CTDSPL2: variants seen among roughly 807,000 people sequenced by gnomAD.
CTDSPL2 encodes the protein CTD small phosphatase-like protein 2.
In CTDSPL2, 5 loss-of-function variants were observed where a neutral mutation model predicts 60.0. The ratio of observed to expected loss-of-function variants is 0.08; its 90% confidence interval spans 0.04 to 0.18. CTDSPL2 has a LOEUF of 0.18. Among genes scored for constraint, CTDSPL2 ranks in the 10% least tolerant of loss-of-function variants. The probability of loss-of-function intolerance (pLI) is 1.00; values close to 1 mark genes in which losing one functional copy is unlikely to be tolerated. For synonymous variants in CTDSPL2, 186 were observed against 189.3 expected, an observed-to-expected ratio of 0.98 and a Z score of 0.14; for missense variants, 370 against 548.8, an observed-to-expected ratio of 0.67 and a Z score of 3.26.
chr15:44,519,132 T>G, intron 10 of CTDSPL2, 37 bp from the exon 11 acceptor site: 1 of 970,672 alleles, frequency 1.0e-6, no homozygotes, highest in South Asian at 2.7e-5. Context: ...TTTTAGAAAG[T>G]TTTTTTTTTT....
rs112097326 is a variant in CTDSPL2, at chr15:44,459,479, G to A, written c.186+279G>A. Among the ~76,000 whole-genome samples the A allele has an allele frequency of 4.5e-3, 685 of 152,240 alleles. 1 individual carries two copies. Among genetic ancestry groups the A allele is most frequent in the Non-Finnish European group, 7.0e-3 (477 of 68,024 alleles). On this transcript the variant is annotated intron_variant, in intron 2 of 12. Coordinates refer to ENST00000260327, the MANE Select transcript of CTDSPL2 (RefSeq NM_016396.3). ...GGGGGCGGAGCCTGTAGTGAGCCGA[G>A]ATCGCACCACTGCACTCCAACCTGG...
chr15:44,487,178 G>T (rs146915907), intron 4 of CTDSPL2, among the ~76,000 whole-genome samples: 1 of 152,190 alleles, frequency 6.6e-6, no homozygotes, highest in Non-Finnish European at 1.5e-5. Context: ...TGGGAGCTGG[G>T]TGTGGTGGCT....
intron 2 of CTDSPL2, among the ~76,000 whole-genome samples, chr15:44,481,824 C>T (rs1243630422): frequency 1.3e-5 from 2 of 152,180 alleles, no homozygotes; most frequent in East Asian, 1.9e-4. Flanking sequence ...CCGCCTGCCT[C>T]GGCCTCCCAA....
chr15:44,517,198 A>G (rs1305974320), intron 10 of CTDSPL2: 1 of 150,708 alleles, frequency 6.6e-6, no homozygotes, highest in African/African-American at 2.4e-5. Context: ...TGTTGGTGAC[A>G]AGGTAGACTC....
intron 1 of CTDSPL2, among the ~76,000 whole-genome samples, chr15:44,429,106 ATTG>A (rs1443696887): frequency 4.6e-5 from 7 of 152,218 alleles, no homozygotes; most frequent in African/African-American, 1.4e-4. Context: ...GAATTTCACT[ATTG>A]TTTGCACGAT....
At chr15:44,443,726 A>T (rs74839791) in intron 1 of CTDSPL2, among the ~76,000 whole-genome samples, 7,831 of 152,070 alleles carry the variant, frequency 0.051, 361 homozygotes, top group East Asian at 0.23. Flanking sequence ...TTTGGAGAAA[A>T]GCCTATTCAA....
rs181185668 is a variant in CTDSPL2, at chr15:44,507,465, T to G, written c.970-7133T>G. Among the ~76,000 whole-genome samples the G allele has an allele frequency of 3.5e-4, 54 of 152,314 alleles. No individual in the cohort carries two copies. The East Asian group carries it at 9.8e-3, about 28-fold the overall frequency. On this transcript the variant is annotated intron_variant, in intron 8 of 12. Transcript: ENST00000260327. Reference sequence around the variant, plus strand: ...TAGTGTTTACCTATTCATCCCAAATTTATCCACCTACAAATACTACCCCCA... The same window carrying G: ...TAGTGTTTACCTATTCATCCCAAATGTATCCACCTACAAATACTACCCCCA...
chr15:44,506,789 CAG>C (rs1188074055), intron 8 of CTDSPL2, among the ~76,000 whole-genome samples: 1 of 151,318 alleles, frequency 6.6e-6, no homozygotes, highest in Non-Finnish European at 1.5e-5. Context: ...TTTTTTGAGA[CAG>C]AGTCTCGCTC....
At chr15:44,473,396 C>T (rs984506570) in intron 2 of CTDSPL2, among the ~76,000 whole-genome samples, 4 of 151,980 alleles carry the variant, frequency 2.6e-5, no homozygotes, top group Non-Finnish European at 5.9e-5. Flanking sequence ...CCCGGGTTCA[C>T]GCCATTCTCC....
At chr15:44,454,188 G>A (rs551484679) in intron 1 of CTDSPL2, among the ~76,000 whole-genome samples, 105 of 152,328 alleles carry the variant, frequency 6.9e-4, no homozygotes, top group Non-Finnish European at 1.1e-3. Flanking sequence ...CAGTGATGAT[G>A]AGCATTTTTT....
intron 2 of CTDSPL2, among the ~76,000 whole-genome samples, chr15:44,478,942 C>T (rs1595740556): frequency 6.6e-6 from 1 of 152,102 alleles, no homozygotes; most frequent in African/African-American, 2.4e-5. Flanking sequence ...GCCTGGGTGA[C>T]GGCTGTCTAG....
chr15:44,446,140 G>A (rs913322351), intron 1 of CTDSPL2, among the ~76,000 whole-genome samples: 1 of 151,672 alleles, frequency 6.6e-6, no homozygotes, highest in Non-Finnish European at 1.5e-5. Flanking sequence ...TGACCAGGCA[G>A]TTCTCGAACT....
intron 2 of CTDSPL2, among the ~76,000 whole-genome samples, chr15:44,461,230 G>A (rs2080561327): frequency 6.6e-6 from 1 of 152,074 alleles, no homozygotes; most frequent in Admixed American, 6.6e-5. Context: ...TGAACAATGT[G>A]GAGTTTAGGG....
intron 2 of CTDSPL2, among the ~76,000 whole-genome samples, chr15:44,470,137 C>A (rs2080776458): frequency 6.7e-6 from 1 of 149,938 alleles, no homozygotes; most frequent in South Asian, 2.1e-4. Context: ...ACTGCATAGT[C>A]AGCTATCTTA....
At chr15:44,507,345 A>G (rs2081487066) in intron 8 of CTDSPL2, among the ~76,000 whole-genome samples, 1 of 152,194 alleles carries the variant, frequency 6.6e-6, no homozygotes, top group South Asian at 2.1e-4. Context: ...CGGCCTCCCA[A>G]AGTGCTGGGA....
intron 1 of CTDSPL2, among the ~76,000 whole-genome samples, chr15:44,433,743 A>T (rs1436385863): frequency 6.7e-6 from 1 of 149,642 alleles, no homozygotes; most frequent in Non-Finnish European, 1.5e-5. Context: ...TGAGTTGAGG[A>T]GTTCGAGACC....
intron 2 of CTDSPL2, among the ~76,000 whole-genome samples, chr15:44,471,575 A>C (rs1363034118): frequency 6.6e-6 from 1 of 152,108 alleles, no homozygotes; most frequent in Non-Finnish European, 1.5e-5. Context: ...ATGATCTACT[A>C]TCTTAGAAAA....
Position 44,459,124 on chromosome 15 carries a change from G to C in CTDSPL2, c.110G>C (p.Gly37Ala). 6.2e-7 allele frequency: 1 copy of C among 1,613,186 alleles called. No individual in the cohort carries two copies. Among genetic ancestry groups the C allele is most frequent in the Non-Finnish European group, 8.5e-7 (1 of 1,179,550 alleles). Reference sequence around the variant, plus strand: ...GAGGTTGATGATAGCCTGCCTTCAGGAGGAGAAAAACCATCGAAGAATGAA... The same window carrying C: ...GAGGTTGATGATAGCCTGCCTTCAGCAGGAGAAAAACCATCGAAGAATGAA... ...YSEVDDSLPS[G>A]GEKPSKNETG... Residue 37 changes from glycine to alanine, a missense_variant, in exon 2 of 13, where the codon GGA (glycine) becomes GCA (alanine). Transcript: ENST00000260327.
rs35307134 is a variant in CTDSPL2 at position 44,455,839 on chromosome 15, ATTTTTTTTTTTTTT to A, written c.-24-3135_-24-3122del. ...TCGGTTTGCCAGTATTTTATTGAGG[ATTTTTTTTTTTTTT>A]TTTTTTTTTTTTTTTTGAGACGGAG... On this transcript the variant is annotated intron_variant, in intron 1 of 12. Coordinates refer to ENST00000260327, the MANE Select transcript of CTDSPL2 (RefSeq NM_016396.3). Among the ~76,000 whole-genome samples the A allele has an allele frequency of 1.9e-3, 90 of 47,542 alleles. 1 individual carries two copies. The highest frequency in any genetic ancestry group is 1.5e-3 in the African/African-American group (16 of 10,498). The allele number at this position is 47,542 out of a possible 152,430, so 31.2% of individuals were successfully genotyped here. A position where few individuals can be genotyped will look rare whatever the true frequency, so the allele number is the denominator to read the frequency against.
Sources: gnomAD v4.1 joint callset for allele counts (sites outside exome capture counted in the v4.1 genomes callset) on GRCh38, gnomAD v4.1.1 for gene constraint, MANE v1.5 for transcripts, NCBI Gene and HGNC (gene_info 2026-07-23, HGNC 2026-07-21) for gene names.